PAK5: variants seen among roughly 807,000 people sequenced by gnomAD.
PAK5 encodes the protein serine/threonine-protein kinase PAK 5.
PAK5 carries 16 observed loss-of-function variants against 65.9 expected under a neutral mutation model. The observed-to-expected ratio is 0.24, with a 90% confidence interval of 0.16 to 0.37. PAK5 has a LOEUF of 0.37. Ranked by LOEUF, PAK5 falls within the 10% of genes least tolerant of loss-of-function variation. The pLI, the probability that PAK5 is intolerant of heterozygous loss-of-function variation, is 1.00. For synonymous variants in PAK5, 371 were observed against 354.9 expected (o/e 1.05, Z -0.51); for missense variants, 785 against 903.9 (o/e 0.87, Z 1.69).
chr20:9,667,234 AC>A, intron 2 of PAK5, among the ~76,000 whole-genome samples: 1 of 152,220 alleles, frequency 6.6e-6, no homozygotes, highest in East Asian at 1.9e-4. Flanking sequence ...CTGAGATCGC[AC>A]CATTGCACTC....
chr20:9,832,134 T>A (rs1978770089), intron 1 of PAK5, among the ~76,000 whole-genome samples: 1 of 152,034 alleles, frequency 6.6e-6, no homozygotes, highest in Non-Finnish European at 1.5e-5. Flanking sequence ...AGGTTCTTTT[T>A]AATTTTTATT....
chr20:9,740,273 A>G (rs956291932), intron 1 of PAK5, among the ~76,000 whole-genome samples: 6 of 152,150 alleles, frequency 3.9e-5, no homozygotes, highest in African/African-American at 1.2e-4. Flanking sequence ...GAAGGCTCTA[A>G]ATACCAGGGG....
At chr20:9,727,235 C>T (rs1451109293) in intron 1 of PAK5, among the ~76,000 whole-genome samples, 1 of 152,108 alleles carries the variant, frequency 6.6e-6, no homozygotes, top group African/African-American at 2.4e-5. Flanking sequence ...AAATTAAATA[C>T]TATCAAAAGT....
intron 1 of PAK5, among the ~76,000 whole-genome samples, chr20:9,746,580 T>A (rs1253220275): frequency 2.0e-5 from 3 of 152,188 alleles, no homozygotes; most frequent in African/African-American, 4.8e-5. Context: ...TCTGCAATGC[T>A]GGAAATGTTC....
chr20:9,722,744 A>AT (rs557141137), intron 1 of PAK5, among the ~76,000 whole-genome samples: 2,530 of 145,268 alleles, frequency 0.017, 58 homozygotes, highest in African/African-American at 0.049. Flanking sequence ...CCAATGGAAG[A>AT]TTTTTTTTTT....
At chr20:9,590,227 C>A (rs1282874454) in intron 3 of PAK5, among the ~76,000 whole-genome samples, 2 of 152,228 alleles carry the variant, frequency 1.3e-5, no homozygotes, top group African/African-American at 4.8e-5. Flanking sequence ...GCAACAGCCT[C>A]CTGAAGTGCT....
intron 2 of PAK5, among the ~76,000 whole-genome samples, chr20:9,661,836 T>C (rs6516485): frequency 0.49 from 74,216 of 151,954 alleles, 19,848 homozygotes; most frequent in Non-Finnish European, 0.62. Flanking sequence ...CAGTGATTTT[T>C]CAGTGAATCT....
intron 1 of PAK5, among the ~76,000 whole-genome samples, chr20:9,723,513 T>C (rs2048241456): frequency 6.6e-6 from 1 of 152,150 alleles, no homozygotes; most frequent in Non-Finnish European, 1.5e-5. Context: ...ATAAGTGCTT[T>C]TTACCAGGTA....
intron 1 of PAK5, among the ~76,000 whole-genome samples, chr20:9,734,273 T>A (rs975436648): frequency 1.3e-5 from 2 of 152,180 alleles, no homozygotes; most frequent in African/African-American, 4.8e-5. Context: ...AGTGTCAGTA[T>A]ATGCAAAAGC....
chr20:9,801,054 C>T lies in PAK5; in HGVS notation c.-162+37708G>A, dbSNP rs1362565553. 7.9e-5 allele frequency among the ~76,000 whole-genome samples: 12 copies of T among 152,136 alleles called. No homozygotes were observed. The South Asian group carries it at 2.5e-3, about 32-fold the overall frequency. ...TAGATCTCCAGTTCACTCTCACATG[C>T]TTTTATTTTACAGTAAGATATGGAA... On this transcript the variant is annotated intron_variant, in intron 1 of 9. Coordinates refer to ENST00000353224, the MANE Select transcript of PAK5 (RefSeq NM_177990.4).
intron 7 of PAK5, among the ~76,000 whole-genome samples, chr20:9,556,713 A>C (rs1037665149): frequency 6.6e-6 from 1 of 152,224 alleles, no homozygotes; most frequent in Non-Finnish European, 1.5e-5. Context: ...GTTTCAGCAG[A>C]ATCCCTTGCA....
intron 1 of PAK5, among the ~76,000 whole-genome samples, chr20:9,790,333 A>G (rs1052093221): frequency 6.6e-6 from 1 of 152,076 alleles, no homozygotes; most frequent in African/African-American, 2.4e-5. Context: ...CAAACAGTAT[A>G]AAGGGGCCCC....
intron 9 of PAK5, 146 bp downstream of exon 9, chr20:9,542,440 A>G (rs1568952513): frequency 1.2e-6 from 1 of 811,106 alleles, no homozygotes; most frequent in East Asian, 2.4e-5. Context: ...AAGAACAGAG[A>G]TTCAAACCTA....
intron 7 of PAK5, among the ~76,000 whole-genome samples, chr20:9,554,750 C>G (rs769115510): frequency 6.6e-6 from 1 of 152,180 alleles, no homozygotes; most frequent in Non-Finnish European, 1.5e-5. Flanking sequence ...CCTACAGATA[C>G]TGGAGAAACC....
intron 1 of PAK5, among the ~76,000 whole-genome samples, chr20:9,811,084 G>A (rs2049292700): frequency 6.6e-6 from 1 of 152,144 alleles, no homozygotes; most frequent in East Asian, 1.9e-4. Context: ...ATTCTGTGCT[G>A]CCTAAGCACT....
intron 2 of PAK5, among the ~76,000 whole-genome samples, chr20:9,657,986 C>T (rs1172845930): frequency 6.6e-6 from 1 of 152,190 alleles, no homozygotes; most frequent in Non-Finnish European, 1.5e-5. Flanking sequence ...TATCCAAATA[C>T]ACCCATCTAC....
intron 1 of PAK5, among the ~76,000 whole-genome samples, chr20:9,742,433 T>C (rs1218633435): frequency 6.6e-6 from 1 of 152,176 alleles, no homozygotes; most frequent in Non-Finnish European, 1.5e-5. Flanking sequence ...GCTTTAATTG[T>C]TTTAATCTTG....
chr20:9,564,605 T>C (rs1310091158), intron 5 of PAK5, among the ~76,000 whole-genome samples: 1 of 152,186 alleles, frequency 6.6e-6, no homozygotes, highest in Non-Finnish European at 1.5e-5. Flanking sequence ...TCTAGATTGG[T>C]ACAAACTTTC....
At chr20:9,712,666 C>G (rs920549767) in intron 1 of PAK5, among the ~76,000 whole-genome samples, 6 of 152,126 alleles carry the variant, frequency 3.9e-5, no homozygotes, top group African/African-American at 1.4e-4. Context: ...AGCATGAAAA[C>G]AGGCATGCCG....
Sources: allele counts gnomAD v4.1 joint callset (sites outside exome capture counted in the v4.1 genomes callset), GRCh38; gene constraint gnomAD v4.1.1; transcripts MANE v1.5; gene names NCBI Gene and HGNC (gene_info 2026-07-23, HGNC 2026-07-21).